MRS2: variants seen among roughly 807,000 people sequenced by gnomAD.
The protein encoded by MRS2 is magnesium transporter MRS2 homolog, mitochondrial.
In MRS2, 40 loss-of-function variants were observed where a neutral mutation model predicts 52.6. The ratio of observed to expected loss-of-function variants is 0.76; its 90% CI spans 0.59 to 0.99. The LOEUF (loss-of-function observed/expected upper bound fraction) is 0.99. Among genes scored for constraint, MRS2 ranks in the 50% least tolerant of loss-of-function variants. The probability of loss-of-function intolerance (pLI) is 0.00; values close to 1 mark genes in which losing one functional copy is unlikely to be tolerated. For synonymous variants in MRS2, 193 were observed against 195.9 expected (o/e 0.98, Z 0.13); for missense variants, 472 against 532.7 (o/e 0.89, Z 1.12).
intron 6 of MRS2, among the ~76,000 whole-genome samples, chr6:24,415,677 G>C (rs1206074529): frequency 6.6e-6 from 1 of 152,178 alleles, no homozygotes; most frequent in Non-Finnish European, 1.5e-5. Flanking sequence ...TATCAGTTAA[G>C]AGTAACTAGT....
chr6:24,416,600 G>A, intron 7 of MRS2, 87 bp downstream of exon 7: 1 of 775,024 alleles, frequency 1.3e-6, no homozygotes, highest in Non-Finnish European at 2.2e-6. Flanking sequence ...CATACAGAAT[G>A]TAACATTTTT....
At chr6:24,408,573 C>T (rs1761551398) in intron 3 of MRS2, 129 bp downstream of exon 3, 1 of 671,498 alleles carries the variant, frequency 1.5e-6, no homozygotes, top group South Asian at 1.9e-5. Flanking sequence ...GATCTTTCTT[C>T]AGCATTTGTC....
At chr6:24,412,542 A>C (rs1761702756) in intron 5 of MRS2, 147 bp downstream of exon 5, 2 of 506,830 alleles carry the variant, frequency 3.9e-6, no homozygotes, top group African/African-American at 1.9e-5. Context: ...TCCTACATGG[A>C]GATATCACTT....
At chr6:24,407,493 G>A (rs1343165683) in intron 2 of MRS2, among the ~76,000 whole-genome samples, 1 of 152,160 alleles carries the variant, frequency 6.6e-6, no homozygotes, top group Non-Finnish European at 1.5e-5. Flanking sequence ...GTCTGTCGTA[G>A]TAAGTAGTAC....
At chr6:24,419,857 CACTG>C (rs1379520972) in intron 9 of MRS2, among the ~76,000 whole-genome samples, 4 of 151,986 alleles carry the variant, frequency 2.6e-5, no homozygotes, top group Non-Finnish European at 4.4e-5. Context: ...ATACAGAACC[CACTG>C]ACTGTGTTTT....
chr6:24,406,561 G>T (rs1044907360), intron 2 of MRS2, among the ~76,000 whole-genome samples: 2 of 152,114 alleles, frequency 1.3e-5, no homozygotes, highest in African/African-American at 4.8e-5. Context: ...ATCATTTGAG[G>T]TCAGGAGTTT....
chr6:24,410,922 C>T (rs1761627200), intron 4 of MRS2: 2 of 530,006 alleles, frequency 3.8e-6, no homozygotes, highest in Admixed American at 3.1e-5. Flanking sequence ...GTTGTGGTGG[C>T]TCACATCTGT....
At chr6:24,418,032 T>G in intron 7 of MRS2, 52 bp from the exon 8 acceptor site, 1 of 1,512,156 alleles carries the variant, frequency 6.6e-7, no homozygotes, top group Non-Finnish European at 9.0e-7. Context: ...TGTCACTAAG[T>G]ATATGATACA....
At chr6:24,407,621 CCT>C (rs373588959) in intron 2 of MRS2, among the ~76,000 whole-genome samples, 15 of 152,246 alleles carry the variant, frequency 9.9e-5, no homozygotes, top group African/African-American at 3.6e-4. Flanking sequence ...TGTATCAAAT[CCT>C]CTCTTCAAAC....
At chr6:24,414,906 T>G (rs1218515225) in intron 5 of MRS2, 127 bp from the exon 6 acceptor site, 15 of 766,406 alleles carry the variant, frequency 2.0e-5, no homozygotes, top group Non-Finnish European at 1.4e-5. Flanking sequence ...TAGAATTATC[T>G]ATGTTCTGAA....
At chr6:24,423,344 T>TTCTGGTATAA in intron 10 of MRS2, 3 of 481,578 alleles carry the variant, frequency 6.2e-6, no homozygotes, top group Admixed American at 3.6e-5. Context: ...ATGTTAGTAA[T>TTCTGGTATAA]TCTGGTATAA....
chr6:24,418,415 A>G (rs1561813396), intron 8 of MRS2, 46 bp from the exon 9 acceptor site: 2 of 1,611,176 alleles, frequency 1.2e-6, no homozygotes, highest in Non-Finnish European at 1.7e-6. Context: ...TGTGCTGTAT[A>G]TAGTTAGTGG....
chr6:24,403,182 A>G lies in MRS2; in HGVS notation c.136A>G (p.Ile46Val), dbSNP rs1373716908. 1 of 1,606,662 alleles carries G rather than the reference A, an allele frequency of 6.2e-7. No homozygotes were observed. The highest frequency in any genetic ancestry group is 2.2e-5 in the East Asian group (1 of 44,864). ...TGCCTGCGGCCGCCGAGCCAACCTG[A>G]TTGGAAGGAGCCGAGCGGCGCAGCT... ...VAACGRRANL[I>V]GRSRAAQLCG... The change falls in exon 1 of 11, where the codon ATT becomes GTT. Residue 46 changes from isoleucine (I) to valine (V), a missense_variant. Physicochemically the swap from Ile to Val is conservative, Grantham distance 29. Transcript: ENST00000378386.
chr6:24,409,882 G>A (rs972374124), intron 4 of MRS2, among the ~76,000 whole-genome samples: 1 of 152,176 alleles, frequency 6.6e-6, no homozygotes. Context: ...ATTTATAATA[G>A]ATATATATCC....
At chr6:24,407,861 A>G (rs565401323) in intron 2 of MRS2, among the ~76,000 whole-genome samples, 1 of 152,262 alleles carries the variant, frequency 6.6e-6, no homozygotes, top group South Asian at 2.1e-4. Context: ...TCGCTCAGTG[A>G]CAAGGAGATA....
chr6:24,420,155 A>G (rs953622380), intron 9 of MRS2, among the ~76,000 whole-genome samples: 1 of 151,894 alleles, frequency 6.6e-6, no homozygotes, highest in Non-Finnish European at 1.5e-5. Context: ...ACTTGTTACT[A>G]CCTCTCTCAG....
At chr6:24,418,626 T>G in intron 9 of MRS2, 48 bp downstream of exon 9, 2 of 1,415,340 alleles carry the variant, frequency 1.4e-6, no homozygotes. Flanking sequence ...TGGCCGGGCA[T>G]GGTGGCTCAT....
chr6:24,420,348 T>G (rs1762004357), intron 9 of MRS2, among the ~76,000 whole-genome samples: 1 of 152,228 alleles, frequency 6.6e-6, no homozygotes, highest in Admixed American at 6.5e-5. Flanking sequence ...ATCTGCTACA[T>G]TCCTTAAATC....
intron 9 of MRS2, among the ~76,000 whole-genome samples, chr6:24,420,853 A>C (rs1189705956): frequency 6.6e-6 from 1 of 152,200 alleles, no homozygotes; most frequent in Non-Finnish European, 1.5e-5. Context: ...AGCATGAGTC[A>C]GGTGGAAAAT....
Sources: gnomAD v4.1 joint callset for allele counts (sites outside exome capture counted in the v4.1 genomes callset) on GRCh38, gnomAD v4.1.1 for gene constraint, MANE v1.5 for transcripts, NCBI Gene and HGNC (gene_info 2026-07-23, HGNC 2026-07-21) for gene names.